Variants in ELAVL4 observed in about 807,000 individuals in gnomAD.
The protein encoded by ELAVL4 is ELAV like RNA binding protein 4.
In ELAVL4, 1 loss-of-function variant was observed where a neutral mutation model predicts 35.6. The observed-to-expected ratio is 0.03, with a 90% CI of 0.01 to 0.13. ELAVL4 has a LOEUF of 0.13. ELAVL4 is among the 10% of genes least tolerant of loss of function. The pLI, the probability that ELAVL4 is intolerant of heterozygous loss-of-function variation, is 1.00. For synonymous variants in ELAVL4, 156 were observed against 171.0 expected, an observed-to-expected ratio of 0.91 and a Z score of 0.69; for missense variants, 267 against 464.9, an observed-to-expected ratio of 0.57 and a Z score of 3.91.
chr1:50,161,598 G>T (rs1676820531), intron 2 of ELAVL4, among the ~76,000 whole-genome samples: 1 of 152,252 alleles, frequency 6.6e-6, no homozygotes, highest in South Asian at 2.1e-4. Context: ...TTCGTTTATT[G>T]AGGTGTATTT....
At position 50,166,303 on chromosome 1, in the gene ELAVL4, A is replaced by G. The variant is rs113775214; in HGVS notation, c.251-10786A>G. Reference sequence around the variant, plus strand: ...TAATAAGCTCATGATTACACCTAACATAATACAACTATCCTTCAAACAACC... The same window carrying G: ...TAATAAGCTCATGATTACACCTAACGTAATACAACTATCCTTCAAACAACC... On this transcript the variant is annotated intron_variant, in intron 2 of 6. Transcript: ENST00000371824. Among the ~76,000 whole-genome samples the G allele has an allele frequency of 5.6e-3, 850 of 152,288 alleles. 5 individuals carry two copies. Among genetic ancestry groups the G allele is most frequent in the Middle Eastern group, 0.027 (8 of 294 alleles).
At chr1:50,096,111 A>G (rs145747671) in intron 1 of ELAVL4, among the ~76,000 whole-genome samples, 36 of 152,202 alleles carry the variant, frequency 2.4e-4, no homozygotes, top group African/African-American at 8.7e-4. Flanking sequence ...TGCCATATGA[A>G]TATATTTATT....
chr1:50,083,232 A>T (rs1032159794), intron 1 of ELAVL4, among the ~76,000 whole-genome samples: 4 of 151,510 alleles, frequency 2.6e-5, no homozygotes, highest in African/African-American at 9.7e-5. Context: ...AATATTTTTT[A>T]TTTTTTTTAT....
At chr1:50,099,560 C>CAAAA (rs750905424), upstream of ELAVL4, among the ~76,000 whole-genome samples, 204 of 54,246 alleles carry the variant, frequency 3.8e-3, 1 homozygote, top group East Asian at 0.014. Flanking sequence ...AACTCCGCCT[C>CAAAA]AAAAAAAAAA....
At chr1:50,119,031 AAAG>A (rs1159886070) in intron 1 of ELAVL4, among the ~76,000 whole-genome samples, 1 of 131,632 alleles carries the variant, frequency 7.6e-6, no homozygotes. Context: ...GGAAAGAAAG[AAAG>A]AAAAAGAAAG....
chr1:50,168,402 G>T (rs1393565618), intron 2 of ELAVL4, among the ~76,000 whole-genome samples: 1 of 152,112 alleles, frequency 6.6e-6, no homozygotes, highest in Non-Finnish European at 1.5e-5. Context: ...ATCTTTAGTT[G>T]CGGGTCAGCC....
intron 2 of ELAVL4, among the ~76,000 whole-genome samples, chr1:50,160,138 G>A (rs749718486): frequency 3.3e-5 from 5 of 152,068 alleles, no homozygotes; most frequent in Admixed American, 1.3e-4. Flanking sequence ...GAAGGTCTTC[G>A]TATTTTGCAA....
intron 2 of ELAVL4, among the ~76,000 whole-genome samples, chr1:50,159,113 G>T (rs1349634790): frequency 1.3e-5 from 2 of 151,806 alleles, no homozygotes; most frequent in Non-Finnish European, 2.9e-5. Context: ...TGTTATTTCA[G>T]GAACTATAGT....
intron 3 of ELAVL4, chr1:50,179,489 T>C (rs1389905393): frequency 6.6e-6 from 1 of 152,240 alleles, no homozygotes; most frequent in Non-Finnish European, 1.5e-5. Context: ...TTTTGTATGC[T>C]GTTTAATAGT....
At chr1:50,165,632 ATATG>A (rs1013605057) in intron 2 of ELAVL4, among the ~76,000 whole-genome samples, 56 of 147,960 alleles carry the variant, frequency 3.8e-4, no homozygotes, top group African/African-American at 1.4e-3. Flanking sequence ...ATGCATAAAT[ATATG>A]TATATAGGTA....
chr1:50,122,245 A>G (rs1304929152), intron 1 of ELAVL4, among the ~76,000 whole-genome samples: 1 of 152,074 alleles, frequency 6.6e-6, no homozygotes, highest in African/African-American at 2.4e-5. Flanking sequence ...CTCTACAAAG[A>G]TAAGTCAGTC....
intron 3 of ELAVL4, among the ~76,000 whole-genome samples, chr1:50,184,227 G>A (rs969207604): frequency 1.3e-5 from 2 of 152,080 alleles, no homozygotes; most frequent in Non-Finnish European, 2.9e-5. Context: ...AAGGTGATAC[G>A]TTCCCAGTAT....
intron 1 of ELAVL4, among the ~76,000 whole-genome samples, chr1:50,143,432 C>G (rs1673156222): frequency 6.6e-6 from 1 of 152,124 alleles, no homozygotes; most frequent in Non-Finnish European, 1.5e-5. Flanking sequence ...AGAGAAGTCA[C>G]ATTGGATGAT....
chr1:50,048,588 G>T (rs950332625), intron 1 of ELAVL4, among the ~76,000 whole-genome samples: 2 of 152,218 alleles, frequency 1.3e-5, no homozygotes, highest in African/African-American at 4.8e-5. Context: ...TGAACGTCCT[G>T]GTGGCGCCAA....
intron 1 of ELAVL4, among the ~76,000 whole-genome samples, chr1:50,078,484 G>A (rs754905460): frequency 1.3e-5 from 2 of 152,064 alleles, no homozygotes; most frequent in African/African-American, 2.4e-5. Context: ...TAGCAGAGTG[G>A]CCCATTTTAC....
intron 1 of ELAVL4, among the ~76,000 whole-genome samples, chr1:50,114,238 A>AC (rs1667563067): frequency 2.0e-5 from 3 of 151,994 alleles, no homozygotes; most frequent in African/African-American, 7.2e-5. Flanking sequence ...GTGTATATGT[A>AC]TGGGGGGCGG....
chr1:50,193,668 A>G, intron 3 of ELAVL4, 97 bp from the exon 4 acceptor site: 3 of 1,425,920 alleles, frequency 2.1e-6, no homozygotes, highest in South Asian at 2.8e-5. Flanking sequence ...CATGAGTTGT[A>G]ACGGTAGATG....
chr1:50,109,282 C>T (rs1332542673), intron 1 of ELAVL4, 84 bp downstream of exon 1: 1 of 1,445,852 alleles, frequency 6.9e-7, no homozygotes, highest in East Asian at 2.3e-5. Flanking sequence ...CTTATGCTTG[C>T]ACAAGAGTTT....
chr1:50,079,671 A>T (rs751387697), intron 1 of ELAVL4, among the ~76,000 whole-genome samples: 2 of 152,184 alleles, frequency 1.3e-5, no homozygotes, highest in African/African-American at 2.4e-5. Flanking sequence ...CCTCCCAGTA[A>T]CCCAAGAAAC....
Sources: allele counts gnomAD v4.1 joint callset (sites outside exome capture counted in the v4.1 genomes callset), GRCh38; gene constraint gnomAD v4.1.1; transcripts MANE v1.5; gene names NCBI Gene and HGNC (gene_info 2026-07-23, HGNC 2026-07-21).